Variants in ARL15 observed in about 807,000 individuals in gnomAD.
ARL15 encodes the protein ADP-ribosylation factor-like protein 15.
In ARL15, 19 loss-of-function variants were observed where a neutral mutation model predicts 25.2. The ratio of observed to expected loss-of-function variants is 0.75; its 90% CI spans 0.53 to 1.10. ARL15 has a LOEUF of 1.10. ARL15 is among the 50% of genes least tolerant of loss of function. The probability of loss-of-function intolerance (pLI) is 0.00; values close to 1 mark genes in which losing one functional copy is unlikely to be tolerated. For missense variants in ARL15, 220 were observed against 246.0 expected (o/e 0.89, Z 0.71); for synonymous variants, 94 against 86.8 (o/e 1.08, Z -0.46).
intron 3 of ARL15, among the ~76,000 whole-genome samples, chr5:54,116,001 G>A (rs1159076552): frequency 6.6e-6 from 1 of 152,146 alleles, no homozygotes; most frequent in African/African-American, 2.4e-5. Flanking sequence ...GCTAGAATGG[G>A]GGAAGAAGCT....
intron 3 of ARL15, among the ~76,000 whole-genome samples, chr5:54,146,616 G>C (rs1449844228): frequency 6.6e-6 from 1 of 152,112 alleles, no homozygotes; most frequent in East Asian, 1.9e-4. Context: ...GTGAGGGATA[G>C]GAAGTTAAAC....
intron 1 of ARL15, among the ~76,000 whole-genome samples, chr5:54,260,086 G>A (rs1757463783): frequency 6.6e-6 from 1 of 152,172 alleles, no homozygotes; most frequent in Non-Finnish European, 1.5e-5. Context: ...TAGTCTCAGA[G>A]GAAAGCACAT....
intron 4 of ARL15, among the ~76,000 whole-genome samples, chr5:53,972,567 T>C (rs1326421371): frequency 6.6e-5 from 10 of 151,738 alleles, no homozygotes. Flanking sequence ...CATTTGTTTC[T>C]TTTTTTGTAC....
chr5:54,046,438 G>C (rs866260643), intron 4 of ARL15, among the ~76,000 whole-genome samples: 98 of 152,296 alleles, frequency 6.4e-4, no homozygotes, highest in African/African-American at 2.2e-3. Flanking sequence ...CCGAGATCAT[G>C]CCACTGCACT....
chr5:53,964,686 A>G (rs1054748314), intron 4 of ARL15, among the ~76,000 whole-genome samples: 10 of 152,216 alleles, frequency 6.6e-5, no homozygotes, highest in African/African-American at 2.4e-4. Flanking sequence ...ACACTTAGTT[A>G]CTTAAACCAA....
chr5:54,284,932 T>C (rs1330504705), intron 1 of ARL15, among the ~76,000 whole-genome samples: 1 of 152,224 alleles, frequency 6.6e-6, no homozygotes, highest in Non-Finnish European at 1.5e-5. Flanking sequence ...TCACAGTATA[T>C]GAACTGGTAA....
intron 4 of ARL15, among the ~76,000 whole-genome samples, chr5:54,058,012 A>ATTTT (rs1266789279): frequency 9.2e-5 from 6 of 65,314 alleles, no homozygotes; most frequent in African/African-American, 1.3e-4. Context: ...TTATTTATTT[A>ATTTT]TTTATTTTTT....
At chr5:54,069,941 C>T (rs1025808722) in intron 4 of ARL15, among the ~76,000 whole-genome samples, 13 of 149,018 alleles carry the variant, frequency 8.7e-5, no homozygotes, top group African/African-American at 3.3e-4. Context: ...TCCCAAAGTG[C>T]TGGGATTACA....
intron 3 of ARL15, among the ~76,000 whole-genome samples, chr5:54,139,721 A>G (rs910820184): frequency 5.9e-5 from 9 of 152,250 alleles, no homozygotes; most frequent in South Asian, 2.1e-4. Context: ...AGTGTCAGCT[A>G]CTTGGAAGGC....
chr5:54,095,579 T>C (rs1752261298), intron 4 of ARL15, among the ~76,000 whole-genome samples: 1 of 152,160 alleles, frequency 6.6e-6, no homozygotes, highest in Non-Finnish European at 1.5e-5. Context: ...ATTAGTTCTG[T>C]AATGTAGTCC....
chr5:54,199,622 G>A (rs368108021), intron 1 of ARL15, among the ~76,000 whole-genome samples: 9 of 151,364 alleles, frequency 5.9e-5, no homozygotes, highest in African/African-American at 1.2e-4. Flanking sequence ...TAGAATGGCA[G>A]TCATTAAAAA....
intron 1 of ARL15, among the ~76,000 whole-genome samples, chr5:54,224,023 C>T (rs1378231717): frequency 6.6e-6 from 1 of 152,164 alleles, no homozygotes; most frequent in Non-Finnish European, 1.5e-5. Flanking sequence ...CACAAACAGA[C>T]ATGCCAGAGC....
intron 4 of ARL15, among the ~76,000 whole-genome samples, chr5:53,958,336 T>G (rs954603747): frequency 1.3e-5 from 2 of 152,202 alleles, no homozygotes; most frequent in Admixed American, 1.3e-4. Flanking sequence ...TTATATGCTG[T>G]TACGTTGGTA....
chr5:54,054,071 A>G (rs1014440740), intron 4 of ARL15, among the ~76,000 whole-genome samples: 2 of 152,226 alleles, frequency 1.3e-5, no homozygotes, highest in Admixed American at 1.3e-4. Flanking sequence ...AATAATAAAT[A>G]ACTAGCTATG....
intron 1 of ARL15, among the ~76,000 whole-genome samples, chr5:54,181,496 C>G (rs923808282): frequency 6.6e-6 from 1 of 152,198 alleles, no homozygotes; most frequent in Non-Finnish European, 1.5e-5. Context: ...TACAGCAAAT[C>G]TCTTTTTTTG....
At chr5:54,263,352 T>A (rs186883151) in intron 1 of ARL15, among the ~76,000 whole-genome samples, 7 of 152,190 alleles carry the variant, frequency 4.6e-5, no homozygotes, top group Admixed American at 2.0e-4. Flanking sequence ...AAAAAAAGAT[T>A]AGATAAAAGT....
chr5:54,270,718 C>CTGCT (rs1254234734), intron 1 of ARL15, among the ~76,000 whole-genome samples: 4 of 152,208 alleles, frequency 2.6e-5, no homozygotes, highest in African/African-American at 7.2e-5. Context: ...CTCCTGTGGC[C>CTGCT]TGCTCTTCTC....
At chr5:54,072,636 A>G (rs990942239) in intron 4 of ARL15, among the ~76,000 whole-genome samples, 25 of 152,234 alleles carry the variant, frequency 1.6e-4, no homozygotes, top group Admixed American at 7.2e-4. Context: ...ACAAAAAGAT[A>G]AAGCTTGGGA....
At chr5:54,287,448 A>G (rs1439145441) in intron 1 of ARL15, among the ~76,000 whole-genome samples, 3 of 151,426 alleles carry the variant, frequency 2.0e-5, no homozygotes, top group Non-Finnish European at 4.4e-5. Context: ...GAGTCTCAAA[A>G]GATTGAGAGG....
Sources: gnomAD v4.1 joint callset for allele counts (sites outside exome capture counted in the v4.1 genomes callset) on GRCh38, gnomAD v4.1.1 for gene constraint, MANE v1.5 for transcripts, NCBI Gene and HGNC (gene_info 2026-07-23, HGNC 2026-07-21) for gene names.